The following PHEX variants were observed in gnomAD, a reference collection of about 807,000 sequenced individuals.
PHEX encodes phosphate-regulating neutral endopeptidase PHEX.
PHEX carries 16 observed loss-of-function variants against 68.0 expected under a neutral mutation model. The ratio of observed to expected loss-of-function variants is 0.24; its 90% confidence interval spans 0.16 to 0.36. The LOEUF (loss-of-function observed/expected upper bound fraction) is 0.36, where lower values mean the gene tolerates loss of function less well. PHEX is among the 10% of genes least tolerant of loss of function. The probability of loss-of-function intolerance (pLI) is 1.00; values close to 1 mark genes in which losing one functional copy is unlikely to be tolerated. For missense variants in PHEX, 480 were observed against 575.5 expected (o/e 0.83, Z 1.70); for synonymous variants, 208 against 205.1 (o/e 1.01, Z -0.12).
At chrX:22,195,755 G>A (rs1294989964) in intron 15 of PHEX, among the ~76,000 whole-genome samples, 1 of 112,000 alleles carries the variant, frequency 8.9e-6, no homozygotes, top group East Asian at 2.8e-4. Flanking sequence ...TATGATAGAA[G>A]TTAAAATAAT....
At chrX:22,036,054 A>ATAT (rs1349859330) in intron 1 of PHEX, among the ~76,000 whole-genome samples, 71 of 56,699 alleles carry the variant, frequency 1.3e-3, no homozygotes, top group African/African-American at 6.0e-3. Flanking sequence ...ATATATATAT[A>ATAT]TTTTTTTTTT....
At chrX:22,200,952 T>G (rs1014984464) in intron 15 of PHEX, among the ~76,000 whole-genome samples, 14 of 111,626 alleles carry the variant, frequency 1.3e-4, no homozygotes, top group African/African-American at 4.2e-4. Flanking sequence ...TGTGATCTCC[T>G]TGGGTCTTTA....
chrX:22,096,846 C>T (rs1410662553), intron 7 of PHEX, 109 bp from the exon 8 acceptor site: 1 of 611,942 alleles, frequency 1.6e-6, no homozygotes, highest in Non-Finnish European at 2.7e-6. Context: ...ACACCAAAGC[C>T]TTGAAAAACT....
intron 3 of PHEX, among the ~76,000 whole-genome samples, chrX:22,071,869 G>A (rs1265010017): frequency 1.8e-5 from 2 of 111,969 alleles, no homozygotes; most frequent in Non-Finnish European, 3.8e-5. Flanking sequence ...AGGCCGAGGC[G>A]GGTGGATCAC....
intron 20 of PHEX, among the ~76,000 whole-genome samples, chrX:22,237,325 A>G (rs1189377640): frequency 8.9e-6 from 1 of 112,175 alleles, no homozygotes; most frequent in Non-Finnish European, 1.9e-5. Flanking sequence ...TCATCTTCAA[A>G]GTCAAATTCA....
chrX:22,233,837 T>C (rs1350942486), intron 20 of PHEX, among the ~76,000 whole-genome samples: 1 of 111,842 alleles, frequency 8.9e-6, no homozygotes, highest in African/African-American at 3.3e-5. Flanking sequence ...TCATTCTCCG[T>C]CCAGTTTTGT....
intron 10 of PHEX, among the ~76,000 whole-genome samples, chrX:22,113,986 A>G (rs1353097414): frequency 1.4e-4 from 10 of 73,686 alleles, no homozygotes; most frequent in African/African-American, 5.9e-4. Flanking sequence ...GTCTCACTCT[A>G]TTGCCCAGGC....
rs1052424843 is a variant in PHEX, at chrX:22,065,819, A to G, written c.350-10569A>G. On this transcript the variant is annotated intron_variant, in intron 3 of 21. Transcript: ENST00000379374. ...TAATTCTGTGATGTCAGCAGTCATC[A>G]TTGTTTATTTCTGTCTTTGCCCTAT... Among the ~76,000 whole-genome samples, 6 of 112,059 alleles carry G rather than the reference A, an allele frequency of 5.4e-5. No homozygotes were observed. In the Admixed American group the frequency reaches 5.7e-4, roughly 11 times the overall value.
intron 3 of PHEX, among the ~76,000 whole-genome samples, chrX:22,051,777 G>A (rs1019854143): frequency 4.5e-5 from 5 of 110,488 alleles, no homozygotes; most frequent in Non-Finnish European, 9.4e-5. Flanking sequence ...TTATACACAT[G>A]GGCAGATAGT....
chrX:22,142,307 A>G (rs1294227805), intron 12 of PHEX, among the ~76,000 whole-genome samples: 1 of 112,264 alleles, frequency 8.9e-6, no homozygotes, highest in Non-Finnish European at 1.9e-5. Context: ...GTGGTGGCAC[A>G]GGAGGTACTA....
chrX:22,051,813 A>T (rs1158389491), intron 3 of PHEX, among the ~76,000 whole-genome samples: 2 of 111,724 alleles, frequency 1.8e-5, no homozygotes, highest in Non-Finnish European at 3.8e-5. Flanking sequence ...ATATCTATAA[A>T]TGTAGAGATA....
chrX:22,112,914 GA>G (rs1931043573), intron 10 of PHEX, among the ~76,000 whole-genome samples: 1 of 108,104 alleles, frequency 9.3e-6, no homozygotes, highest in Non-Finnish European at 1.9e-5. Context: ...TCAAAAAAAA[GA>G]AAAAAAGTCT....
At chrX:22,219,704 G>T (rs1602403147) in intron 17 of PHEX, among the ~76,000 whole-genome samples, 1 of 111,392 alleles carries the variant, frequency 9.0e-6, no homozygotes, top group African/African-American at 3.3e-5. Context: ...CTGCAACCTC[G>T]GCCTCCCGTG....
At chrX:22,219,253 G>C in intron 17 of PHEX, 150 bp downstream of exon 17, 1 of 468,644 alleles carries the variant, frequency 2.1e-6, no homozygotes, top group Non-Finnish European at 3.8e-6. Flanking sequence ...ACTTTTCACC[G>C]TGTCTTGCTG....
intron 3 of PHEX, among the ~76,000 whole-genome samples, chrX:22,052,764 A>G (rs1927895301): frequency 9.1e-6 from 1 of 109,856 alleles, no homozygotes; most frequent in Non-Finnish European, 1.9e-5. Flanking sequence ...GCAAAGGCAT[A>G]CAGAGTGGTG....
intron 2 of PHEX, among the ~76,000 whole-genome samples, chrX:22,043,170 C>T (rs1413867656): frequency 8.9e-6 from 1 of 112,475 alleles, no homozygotes; most frequent in East Asian, 2.8e-4. Context: ...TATCTAACCT[C>T]AAGAGTTTCA....
rs1013450075 is a variant in PHEX, at chrX:22,130,138, C to T, written c.1303-3385C>T. On this transcript the variant is annotated intron_variant, in intron 11 of 21. Coordinates refer to ENST00000379374, the MANE Select transcript of PHEX (RefSeq NM_000444.6). Reference sequence around the variant, plus strand: ...TCTCTAAATCTCTCCTTTGAGTCCACCCACTTCTTTCCCTCCCCATTGCCC... The same window carrying T: ...TCTCTAAATCTCTCCTTTGAGTCCATCCACTTCTTTCCCTCCCCATTGCCC... Among the ~76,000 whole-genome samples, 3 of 111,963 alleles carry T rather than the reference C, an allele frequency of 2.7e-5. No homozygotes were observed. The Admixed American group carries it at 2.8e-4, about 11-fold the overall frequency.
At position 22,117,530 on chromosome X, in the gene PHEX, TAGTA is replaced by T. The variant is rs764456705; in HGVS notation, c.1302+2946_1302+2949del. Among the ~76,000 whole-genome samples, 3 of 111,617 alleles carry T rather than the reference TAGTA, an allele frequency of 2.7e-5. No individual in the cohort carries two copies. In the East Asian group the frequency reaches 8.4e-4, roughly 31 times the overall value. On this transcript the variant is annotated intron_variant, in intron 11 of 21. Coordinates refer to ENST00000379374, the MANE Select transcript of PHEX (RefSeq NM_000444.6). ...TTGAGATCTTATCAGATAATCACAG[TAGTA>T]ATATTATAATCTCTGGGAAGGCTAT... is the stretch of plus-strand genomic sequence containing the variant.
At chrX:22,167,491 C>CT (rs1164658740) in intron 12 of PHEX, among the ~76,000 whole-genome samples, 4,560 of 83,990 alleles carry the variant, frequency 0.054, 399 homozygotes, top group African/African-American at 0.17. Context: ...TTTTTAATTT[C>CT]TTTTTTTTTT....
Sources: allele counts gnomAD v4.1 joint callset (sites outside exome capture counted in the v4.1 genomes callset), GRCh38; gene constraint gnomAD v4.1.1; transcripts MANE v1.5; gene names NCBI Gene and HGNC (gene_info 2026-07-23, HGNC 2026-07-21).